CAB39L: variants seen among roughly 807,000 people sequenced by gnomAD.
The protein encoded by CAB39L is calcium-binding protein 39-like.
A neutral mutation model predicts 39.1 loss-of-function variants in CAB39L; 23 were observed. The observed-to-expected ratio is 0.59, with a 90% confidence interval of 0.42 to 0.83. The LOEUF is 0.83. Ranked by LOEUF, CAB39L falls within the 40% of genes least tolerant of loss-of-function variation. The pLI, the probability that CAB39L is intolerant of heterozygous loss-of-function variation, is 0.00. For synonymous variants in CAB39L, 126 were observed against 137.2 expected, an observed-to-expected ratio of 0.92 and a Z score of 0.57; for missense variants, 366 against 391.9, an observed-to-expected ratio of 0.93 and a Z score of 0.56.
At chr13:49,327,280 A>C (rs1954531684) in intron 10 of CAB39L, among the ~76,000 whole-genome samples, 1 of 151,978 alleles carries the variant, frequency 6.6e-6, no homozygotes, top group African/African-American at 2.4e-5. Context: ...TGAATTTGGC[A>C]TTTGGCATTC....
At chr13:49,403,055 G>A (rs1368610950) in intron 3 of CAB39L, among the ~76,000 whole-genome samples, 2 of 152,074 alleles carry the variant, frequency 1.3e-5, no homozygotes, top group African/African-American at 4.8e-5. Flanking sequence ...TTAAAACTGG[G>A]AGACTGTATA....
At chr13:49,365,775 T>C (rs1955753394) in intron 5 of CAB39L, among the ~76,000 whole-genome samples, 1 of 152,158 alleles carries the variant, frequency 6.6e-6, no homozygotes, top group African/African-American at 2.4e-5. Flanking sequence ...TACCATATGA[T>C]TTAGCAATCC....
At chr13:49,313,650 G>A (rs999220316) in intron 10 of CAB39L, among the ~76,000 whole-genome samples, 1 of 152,144 alleles carries the variant, frequency 6.6e-6, no homozygotes, top group Admixed American at 6.5e-5. Context: ...GCACTATTTT[G>A]TAAAAGACAC....
chr13:49,405,305 T>C (rs988362404), intron 3 of CAB39L, among the ~76,000 whole-genome samples: 1 of 151,150 alleles, frequency 6.6e-6, no homozygotes, highest in Non-Finnish European at 1.5e-5. Context: ...AAAAAAACCT[T>C]TTATCCTGAA....
At chr13:49,361,477 C>CAAAAAAAAAAAAAAAAAAAA (rs33984866) in intron 5 of CAB39L, among the ~76,000 whole-genome samples, 2 of 54,442 alleles carry the variant, frequency 3.7e-5, no homozygotes, top group Non-Finnish European at 6.1e-5. Flanking sequence ...GACTTCATCT[C>CAAAAAAAAAAAAAAAAAAAA]AAAAAAAAAA....
chr13:49,330,330 G>A (rs1207767139), intron 10 of CAB39L, among the ~76,000 whole-genome samples: 2 of 152,090 alleles, frequency 1.3e-5, no homozygotes, highest in Non-Finnish European at 2.9e-5. Context: ...TTGTTAACTG[G>A]ACTCTGCGTG....
intron 7 of CAB39L, among the ~76,000 whole-genome samples, 190 bp downstream of exon 7, chr13:49,350,554 T>C (rs1199566893): frequency 1.3e-5 from 2 of 152,228 alleles, no homozygotes; most frequent in African/African-American, 4.8e-5. Flanking sequence ...TTGAGTTGTT[T>C]TCCTGCAATA....
chr13:49,345,532 T>C (rs1955123392), intron 7 of CAB39L, among the ~76,000 whole-genome samples: 1 of 152,014 alleles, frequency 6.6e-6, no homozygotes, highest in Non-Finnish European at 1.5e-5. Context: ...CCGTCAAAGG[T>C]CTTGATTCAA....
intron 6 of CAB39L, among the ~76,000 whole-genome samples, chr13:49,356,383 G>A (rs1955484206): frequency 6.6e-6 from 1 of 152,168 alleles, no homozygotes; most frequent in African/African-American, 2.4e-5. Flanking sequence ...GAGCTGTTCA[G>A]TGACCTCATT....
chr13:49,381,027 A>C (rs1956243344), intron 4 of CAB39L, among the ~76,000 whole-genome samples: 1 of 152,304 alleles, frequency 6.6e-6, no homozygotes, highest in East Asian at 1.9e-4. Context: ...TCCTGCGTTC[A>C]AGCGATTCTC....
At position 49,386,451 on chromosome 13, in the gene CAB39L, A is replaced by T. The variant is rs370558300; in HGVS notation, c.-31-3510T>A. 4.1e-4 allele frequency among the ~76,000 whole-genome samples: 63 copies of T among 152,238 alleles called. No individual in the cohort carries two copies. The South Asian group carries it at 7.9e-3, about 19-fold the overall frequency. On this transcript the variant is annotated intron_variant, in intron 3 of 10. Coordinates refer to ENST00000409308, the MANE Select transcript of CAB39L (RefSeq NM_001079670.3). The stretch of plus-strand genomic sequence containing the variant: ...GAAAAACACAATCCCTGTTCTTTGA[A>T]GCCTATTATTAAGTGGAAAAAGCAA...
chr13:49,385,739 C>CG (rs1956343050), intron 3 of CAB39L, among the ~76,000 whole-genome samples: 1 of 152,110 alleles, frequency 6.6e-6, no homozygotes. Flanking sequence ...GACAGGGGAA[C>CG]GGCCAGTCGA....
At chr13:49,341,356 C>T (rs1466102553) in intron 8 of CAB39L, among the ~76,000 whole-genome samples, 1 of 151,982 alleles carries the variant, frequency 6.6e-6, no homozygotes, top group Non-Finnish European at 1.5e-5. Context: ...CGGGTTCAAG[C>T]AATTCTCTGC....
chr13:49,358,787 G>A (rs996135798), intron 6 of CAB39L, among the ~76,000 whole-genome samples: 2 of 152,098 alleles, frequency 1.3e-5, no homozygotes, highest in African/African-American at 4.8e-5. Flanking sequence ...TTGAACCCAG[G>A]AGGCAGAGGT....
At chr13:49,371,189 C>CTTTTTTTTTTTTTTTTTTTTTTTTTTTT (rs386379129) in intron 5 of CAB39L, among the ~76,000 whole-genome samples, 1 of 102,242 alleles carries the variant, frequency 9.8e-6, no homozygotes, top group Admixed American at 1.0e-4. Flanking sequence ...CTTTTTCTTT[C>CTTTTTTTTTTTTTTTTTTTTTTTTTTTT]TTTTTTTTTT....
intron 1 of CAB39L, among the ~76,000 whole-genome samples, chr13:49,440,968 G>GTGGATGCCT (rs1017971590): frequency 5.3e-5 from 8 of 151,862 alleles, no homozygotes; most frequent in African/African-American, 1.9e-4. Flanking sequence ...CTTTTCCTAT[G>GTGGATGCCT]TGGATGCCTT....
intron 3 of CAB39L, among the ~76,000 whole-genome samples, chr13:49,419,095 G>C (rs1957130537): frequency 6.6e-6 from 1 of 151,982 alleles, no homozygotes. Context: ...ATCTTCCTGA[G>C]TAGCTGTGAT....
At chr13:49,313,398 G>A (rs138327660) in intron 10 of CAB39L, among the ~76,000 whole-genome samples, 292 of 151,728 alleles carry the variant, frequency 1.9e-3, no homozygotes, top group African/African-American at 6.1e-3. Flanking sequence ...GGAGAATGGC[G>A]TGAACCCAGG....
At chr13:49,373,075 C>G (rs907461669) in intron 5 of CAB39L, among the ~76,000 whole-genome samples, 1 of 152,174 alleles carries the variant, frequency 6.6e-6, no homozygotes, top group Non-Finnish European at 1.5e-5. Flanking sequence ...GTCTACAGAT[C>G]ACTTTTATGA....
Sources: allele counts gnomAD v4.1 joint callset (sites outside exome capture counted in the v4.1 genomes callset), GRCh38; gene constraint gnomAD v4.1.1; transcripts MANE v1.5; gene names NCBI Gene and HGNC (gene_info 2026-07-23, HGNC 2026-07-21).